VGLL4: variants seen among roughly 807,000 people sequenced by gnomAD.
The protein encoded by VGLL4 is transcription cofactor vestigial-like protein 4.
In VGLL4, 7 loss-of-function variants were observed where a neutral mutation model predicts 21.0. That is an observed-to-expected ratio of 0.33 (90% CI 0.19 to 0.63). The LOEUF (loss-of-function observed/expected upper bound fraction) is 0.63, where lower values mean the gene tolerates loss of function less well. Ranked by LOEUF, VGLL4 falls within the 20% of genes least tolerant of loss-of-function variation. VGLL4 has a pLI of 0.78. For missense variants in VGLL4, 394 were observed against 425.7 expected, an observed-to-expected ratio of 0.93 and a Z score of 0.66; for synonymous variants, 222 against 173.2, an observed-to-expected ratio of 1.28 and a Z score of -2.21.
intron 2 of VGLL4, among the ~76,000 whole-genome samples, chr3:11,675,291 G>A (rs1408981844): frequency 1.3e-5 from 2 of 152,112 alleles, no homozygotes; most frequent in Admixed American, 6.6e-5. Context: ...GCAGTGAGCC[G>A]AGACTATGCC....
chr3:11,702,850 C>A, intron 2 of VGLL4: 2 of 883,512 alleles, frequency 2.3e-6, no homozygotes, highest in South Asian at 2.6e-5. Flanking sequence ...TAAGGAAAAC[C>A]ACCAAAATTA....
intron 2 of VGLL4, among the ~76,000 whole-genome samples, chr3:11,655,277 G>T (rs1396306367): frequency 6.6e-6 from 1 of 152,180 alleles, no homozygotes; most frequent in Non-Finnish European, 1.5e-5. Flanking sequence ...CCCCTTAGGG[G>T]TCAGGACCAC....
At chr3:11,661,205 C>T (rs2076031936) in intron 2 of VGLL4, among the ~76,000 whole-genome samples, 1 of 152,126 alleles carries the variant, frequency 6.6e-6, no homozygotes, top group Non-Finnish European at 1.5e-5. Context: ...CCCCCGACTC[C>T]ACCCCAGCTC....
chr3:11,597,820 C>G (rs1254270085), intron 2 of VGLL4, among the ~76,000 whole-genome samples: 2 of 152,116 alleles, frequency 1.3e-5, no homozygotes. Flanking sequence ...GTGTGGTGAG[C>G]AGCAGGACCC....
At chr3:11,721,003 G>A (rs2076988879), upstream of VGLL4, among the ~76,000 whole-genome samples, 1 of 152,144 alleles carries the variant, frequency 6.6e-6, no homozygotes, top group Non-Finnish European at 1.5e-5. Flanking sequence ...AACATATCCA[G>A]CGGCTAACTT....
rs1227170339 is a variant in VGLL4 at position 11,613,546 on chromosome 3, C to T, written c.83-11524G>A. On this transcript the variant is annotated intron_variant, in intron 1 of 4. Transcript: ENST00000430365. ...TCTCTGTAATACCTCGCACGTGGTC[C>T]CGGGTACTGTTCTGGGAGGCACGGA... Among the ~76,000 whole-genome samples, 4 of 152,164 alleles carry T rather than the reference C, an allele frequency of 2.6e-5. No homozygotes were observed. In the East Asian group the frequency reaches 7.7e-4, roughly 29 times the overall value.
intron 2 of VGLL4, among the ~76,000 whole-genome samples, chr3:11,673,014 A>C (rs2076239199): frequency 6.6e-6 from 1 of 152,204 alleles, no homozygotes; most frequent in Non-Finnish European, 1.5e-5. Flanking sequence ...CAAAAGACCC[A>C]GCCACCGGAC....
intron 1 of VGLL4, among the ~76,000 whole-genome samples, chr3:11,606,400 G>C (rs1205478533): frequency 6.6e-6 from 1 of 152,184 alleles, no homozygotes; most frequent in Non-Finnish European, 1.5e-5. Context: ...ACACCTGTTA[G>C]GATGGCTATG....
intron 4 of VGLL4, 60 bp downstream of exon 4, chr3:11,559,272 G>C (rs907127310): frequency 1.4e-6 from 2 of 1,472,662 alleles, no homozygotes; most frequent in African/African-American, 2.8e-5. Flanking sequence ...CAGCATGACA[G>C]AGAAGGGCTC....
intron 2 of VGLL4, among the ~76,000 whole-genome samples, chr3:11,567,093 G>C (rs971411272): frequency 1.3e-5 from 2 of 152,256 alleles, no homozygotes; most frequent in African/African-American, 4.8e-5. Context: ...CCTGAGTGCA[G>C]CCTCGGCTGT....
intron 1 of VGLL4, among the ~76,000 whole-genome samples, chr3:11,613,787 G>T (rs1040252644): frequency 6.6e-6 from 1 of 152,234 alleles, no homozygotes; most frequent in Non-Finnish European, 1.5e-5. Flanking sequence ...TACACTGTTT[G>T]TTGGATTCCA....
chr3:11,600,653 C>G (rs2074771230), intron 2 of VGLL4, among the ~76,000 whole-genome samples: 1 of 152,132 alleles, frequency 6.6e-6, no homozygotes, highest in African/African-American at 2.4e-5. Context: ...ACACAACAGT[C>G]CAAGCTGACT....
chr3:11,563,799 C>T (rs1268350959), intron 3 of VGLL4, among the ~76,000 whole-genome samples: 1 of 152,172 alleles, frequency 6.6e-6, no homozygotes, highest in Non-Finnish European at 1.5e-5. Context: ...ACAGGATTAC[C>T]ATGTCAGGCT....
intron 2 of VGLL4, among the ~76,000 whole-genome samples, chr3:11,670,293 A>G (rs2076187166): frequency 6.6e-6 from 1 of 152,186 alleles, no homozygotes; most frequent in African/African-American, 2.4e-5. Flanking sequence ...TCTACGTTGG[A>G]AAACCTTTGT....
chr3:11,601,069 A>C (rs939380591), intron 2 of VGLL4, among the ~76,000 whole-genome samples: 1 of 152,138 alleles, frequency 6.6e-6, no homozygotes, highest in African/African-American at 2.4e-5. Context: ...GTGTGTGCCG[A>C]GAGGAGAGTG....
intron 1 of VGLL4, among the ~76,000 whole-genome samples, chr3:11,705,229 T>A (rs1317361408): frequency 2.0e-5 from 3 of 152,146 alleles, no homozygotes; most frequent in Admixed American, 6.5e-5. Context: ...ACGGAGTAGA[T>A]AGAGCTCGGG....
Position 11,685,200 on chromosome 3 carries a change from G to GTTT in VGLL4, c.64+17768_64+17770dup, listed in dbSNP as rs34267340. On this transcript the variant is annotated intron_variant, in intron 2 of 5. Coordinates refer to the VGLL4 transcript ENST00000273038. ...TAGCTGCATAGTATTCCATGGTGTTGTTTTTTTTTTTTTTTTGAGATGGAG... is the reference window on the plus strand; with the variant it reads ...TAGCTGCATAGTATTCCATGGTGTTGTTTTTTTTTTTTTTTTTTTGAGATGGAG... Among the ~76,000 whole-genome samples the GTTT allele has an allele frequency of 6.0e-5, 8 of 132,416 alleles. No individual in the cohort carries two copies. In the East Asian group the frequency reaches 1.3e-3, roughly 21 times the overall value. 86.9% of individuals were successfully genotyped at this position (132,416 alleles called of 152,430 possible).
chr3:11,598,839 C>T (rs74899259), intron 2 of VGLL4, among the ~76,000 whole-genome samples: 17,040 of 152,084 alleles, frequency 0.11, 1,125 homozygotes, highest in East Asian at 0.25. Context: ...ATTATGACTG[C>T]TTTAGTGATA....
chr3:11,718,672 T>G lies in VGLL4; in HGVS notation c.-14+1722A>C, dbSNP rs545516106. Among the ~76,000 whole-genome samples the G allele has an allele frequency of 2.7e-4, 41 of 152,238 alleles. 1 individual carries two copies. The South Asian group carries it at 7.9e-3, about 29-fold the overall frequency. On this transcript the variant is annotated intron_variant, in intron 1 of 5. Transcript: ENST00000273038. Reference sequence around the variant, plus strand: ...AGACTCCTTCTGAGTAGAGGTAGGCTTGGGTATAGAACAAGATATTAAAAC... The same window carrying G: ...AGACTCCTTCTGAGTAGAGGTAGGCGTGGGTATAGAACAAGATATTAAAAC...
Sources: gnomAD v4.1 joint callset for allele counts (sites outside exome capture counted in the v4.1 genomes callset) on GRCh38, gnomAD v4.1.1 for gene constraint, MANE v1.5 for transcripts, NCBI Gene and HGNC (gene_info 2026-07-23, HGNC 2026-07-21) for gene names.